Variants in ZSWIM5 observed in about 807,000 individuals in gnomAD.
ZSWIM5 encodes the protein zinc finger SWIM domain-containing protein 5.
A neutral mutation model predicts 119.6 loss-of-function variants in ZSWIM5; 55 were observed. The observed-to-expected ratio is 0.46, with a 90% CI of 0.37 to 0.58. ZSWIM5 has a LOEUF of 0.58. Among genes scored for constraint, ZSWIM5 ranks in the 20% least tolerant of loss-of-function variants. The pLI, the probability that ZSWIM5 is intolerant of heterozygous loss-of-function variation, is 0.00. For synonymous variants in ZSWIM5, 537 were observed against 606.9 expected, an observed-to-expected ratio of 0.88 and a Z score of 1.69; for missense variants, 1,193 against 1,512.8, an observed-to-expected ratio of 0.79 and a Z score of 3.51.
chr1:45,070,033 A>G, intron 2 of ZSWIM5: 2 of 804,576 alleles, frequency 2.5e-6, no homozygotes, highest in East Asian at 4.9e-5. Flanking sequence ...GTAGCTATGA[A>G]AAACCTCAAT....
intron 3 of ZSWIM5, among the ~76,000 whole-genome samples, chr1:45,059,893 G>A (rs1645142877): frequency 6.6e-6 from 1 of 152,140 alleles, no homozygotes; most frequent in Non-Finnish European, 1.5e-5. Flanking sequence ...AGAGCAGAAG[G>A]AACAGGACTA....
rs1645403399 is a variant in ZSWIM5, at chr1:45,096,489, TA to T, written c.596-8253del. The stretch of plus-strand genomic sequence containing the variant: ...GTGTGTGTGCATGTGTGTATGTTTT[TA>T]AAGAAAATGGACAATCAGGCAGCTG... On this transcript the variant is annotated intron_variant, in intron 1 of 13. Transcript: ENST00000359600. 2.1e-5 allele frequency among the ~76,000 whole-genome samples: 3 copies of T among 144,610 alleles called. No homozygotes were observed. In the Admixed American group the frequency reaches 2.1e-4, roughly 10 times the overall value. 94.9% of individuals were successfully genotyped at this position (144,610 alleles called of 152,430 possible).
chr1:45,143,171 C>CAAAAAAAAAAA (rs60638239), intron 1 of ZSWIM5, among the ~76,000 whole-genome samples: 1 of 60,588 alleles, frequency 1.7e-5, no homozygotes, highest in Non-Finnish European at 3.2e-5. Context: ...GACTCTGTCT[C>CAAAAAAAAAAA]AAAAAAAAAA....
At chr1:45,188,157 C>T (rs1391304553) in intron 1 of ZSWIM5, among the ~76,000 whole-genome samples, 2 of 152,160 alleles carry the variant, frequency 1.3e-5, no homozygotes, top group Non-Finnish European at 2.9e-5. Context: ...ATATTCACAG[C>T]AGCATTATTC....
At chr1:45,168,137 T>C (rs1570173759) in intron 1 of ZSWIM5, among the ~76,000 whole-genome samples, 1 of 152,060 alleles carries the variant, frequency 6.6e-6, no homozygotes, top group Admixed American at 6.6e-5. Context: ...TGGAATACTA[T>C]GCAGCCATAA....
intron 1 of ZSWIM5, among the ~76,000 whole-genome samples, chr1:45,203,035 C>G (rs1646167118): frequency 6.6e-6 from 1 of 151,990 alleles, no homozygotes; most frequent in Non-Finnish European, 1.5e-5. Flanking sequence ...ATACTGAGAT[C>G]AGACTGTAAG....
At chr1:45,176,485 G>A (rs1276861067) in intron 1 of ZSWIM5, among the ~76,000 whole-genome samples, 1 of 151,986 alleles carries the variant, frequency 6.6e-6, no homozygotes, top group Non-Finnish European at 1.5e-5. Context: ...GGCTGGTCTT[G>A]AACTCATGAC....
intron 12 of ZSWIM5, 78 bp downstream of exon 12, chr1:45,020,547 C>A (rs1219187209): frequency 1.0e-5 from 16 of 1,524,246 alleles, no homozygotes; most frequent in Non-Finnish European, 1.3e-5. Flanking sequence ...TATGCCCAGT[C>A]TCCCAGAGAT....
intron 11 of ZSWIM5, among the ~76,000 whole-genome samples, chr1:45,033,355 TG>T (rs1557741675): frequency 2.0e-5 from 3 of 152,238 alleles, no homozygotes; most frequent in South Asian, 2.1e-4. Context: ...CATGTATTTT[TG>T]GGGGGACAAT....
In ZSWIM5 at chr1:45,030,407, C is replaced by T. The variant is rs371149541; in HGVS notation, c.2449+3905G>A. On this transcript the variant is annotated intron_variant, in intron 11 of 13. Transcript: ENST00000359600. Reference sequence around the variant, plus strand: ...GATTACAGGCATGTGCCACCATGCCCGGCTAATTTTTGTATTTTTAGTACA... The same window carrying T: ...GATTACAGGCATGTGCCACCATGCCTGGCTAATTTTTGTATTTTTAGTACA... Among the ~76,000 whole-genome samples the T allele has an allele frequency of 1.1e-4, 17 of 152,108 alleles. No homozygotes were observed. In the East Asian group the frequency reaches 2.7e-3, roughly 24 times the overall value.
intron 1 of ZSWIM5, among the ~76,000 whole-genome samples, chr1:45,117,238 C>A (rs1645563750): frequency 6.6e-6 from 1 of 152,170 alleles, no homozygotes; most frequent in South Asian, 2.1e-4. Context: ...GAAAATGTAG[C>A]AAGAGTGTTT....
intron 1 of ZSWIM5, among the ~76,000 whole-genome samples, chr1:45,180,710 C>A (rs1226736): frequency 6.6e-6 from 1 of 151,900 alleles, no homozygotes; most frequent in Non-Finnish European, 1.5e-5. Flanking sequence ...ACACCTCACA[C>A]GGCTGGGTAC....
At chr1:45,076,398 G>A (rs1242845324) in intron 2 of ZSWIM5, among the ~76,000 whole-genome samples, 1 of 151,990 alleles carries the variant, frequency 6.6e-6, no homozygotes, top group East Asian at 1.9e-4. Flanking sequence ...ACTACTTTAG[G>A]ATCAAAGTTT....
chr1:45,058,464 T>C (rs999584475), intron 4 of ZSWIM5, 145 bp downstream of exon 4: 11 of 897,768 alleles, frequency 1.2e-5, no homozygotes, highest in African/African-American at 1.0e-4. Flanking sequence ...TCAGTGTTAC[T>C]CTGGGTGGCC....
chr1:45,138,819 G>A (rs563740591), intron 1 of ZSWIM5, among the ~76,000 whole-genome samples: 5 of 152,020 alleles, frequency 3.3e-5, no homozygotes, highest in African/African-American at 9.6e-5. Context: ...ATTAACTCAC[G>A]TGTGGATGAC....
At chr1:45,063,694 T>C (rs1006245789) in intron 2 of ZSWIM5, among the ~76,000 whole-genome samples, 1 of 152,082 alleles carries the variant, frequency 6.6e-6, no homozygotes, top group Non-Finnish European at 1.5e-5. Flanking sequence ...AGGGCCGCAA[T>C]GAGAAACAGA....
chr1:45,104,272 C>T (rs1381722237), intron 1 of ZSWIM5, among the ~76,000 whole-genome samples: 3 of 152,178 alleles, frequency 2.0e-5, no homozygotes, highest in Admixed American at 2.0e-4. Flanking sequence ...AATTTCCTTT[C>T]CAGAAAGCCT....
At chr1:45,059,986 C>A in intron 3 of ZSWIM5, 113 bp downstream of exon 3, 2 of 1,319,824 alleles carry the variant, frequency 1.5e-6, no homozygotes, top group East Asian at 4.7e-5. Flanking sequence ...GTATTCAGTT[C>A]AGCTATGTCA....
In ZSWIM5 at chr1:45,183,853, T is replaced by C. The variant is rs537721334; in HGVS notation, c.595+21903A>G. 2.0e-5 allele frequency among the ~76,000 whole-genome samples: 3 copies of C among 152,350 alleles called. No individual in the cohort carries two copies. In the East Asian group the frequency reaches 5.8e-4, roughly 29 times the overall value. ...AAACTGGTACCATTCCTTCTGAAAC[T>C]ATTCCAATCAATAGAAAAAGAGGGA... On this transcript the variant is annotated intron_variant, in intron 1 of 13. Coordinates refer to ENST00000359600, the MANE Select transcript of ZSWIM5 (RefSeq NM_020883.2).
Sources: gnomAD v4.1 joint callset for allele counts (sites outside exome capture counted in the v4.1 genomes callset) on GRCh38, gnomAD v4.1.1 for gene constraint, MANE v1.5 for transcripts, NCBI Gene and HGNC (gene_info 2026-07-23, HGNC 2026-07-21) for gene names.